Variants in ANKRD6 observed in about 807,000 individuals in gnomAD.
ANKRD6 encodes ankyrin repeat domain-containing protein 6.
ANKRD6 carries 56 observed loss-of-function variants against 82.3 expected under a neutral mutation model. That is an observed-to-expected ratio of 0.68 (90% CI 0.55 to 0.85). The LOEUF is 0.85. Among genes scored for constraint, ANKRD6 ranks in the 40% least tolerant of loss-of-function variants. The pLI is 0.00. For missense variants in ANKRD6, 852 were observed against 907.6 expected (o/e 0.94, Z 0.79); for synonymous variants, 347 against 352.1 (o/e 0.99, Z 0.16).
intron 2 of ANKRD6, among the ~76,000 whole-genome samples, chr6:89,593,531 T>C (rs1276571442): frequency 1.3e-5 from 2 of 152,244 alleles, no homozygotes; most frequent in Non-Finnish European, 2.9e-5. Context: ...AAGTAAGCTC[T>C]GACCTCTTTC....
At chr6:89,531,272 A>G (rs1783111000) in intron 1 of ANKRD6, among the ~76,000 whole-genome samples, 1 of 152,270 alleles carries the variant, frequency 6.6e-6, no homozygotes, top group Admixed American at 6.5e-5. Flanking sequence ...GAAAGGAGGT[A>G]GCGGAAACAA....
intron 1 of ANKRD6, among the ~76,000 whole-genome samples, chr6:89,470,584 G>T (rs908450799): frequency 6.6e-6 from 1 of 152,128 alleles, no homozygotes; most frequent in Non-Finnish European, 1.5e-5. Context: ...TCGTGCCACT[G>T]CAGCCTAGGT....
chr6:89,608,770 G>A (rs1026914311), intron 5 of ANKRD6, among the ~76,000 whole-genome samples: 1 of 152,146 alleles, frequency 6.6e-6, no homozygotes, highest in African/African-American at 2.4e-5. Context: ...TCTCACACCT[G>A]TTCCTCTTTC....
intron 2 of ANKRD6, among the ~76,000 whole-genome samples, chr6:89,578,316 A>C (rs1791650391): frequency 8.7e-6 from 1 of 115,040 alleles, no homozygotes; most frequent in Non-Finnish European, 1.7e-5. Context: ...TTTTTTTGGA[A>C]ACAGAGTCTC....
intron 2 of ANKRD6, among the ~76,000 whole-genome samples, chr6:89,577,168 CG>C (rs2128105287): frequency 6.6e-6 from 1 of 151,882 alleles, no homozygotes; most frequent in Non-Finnish European, 1.5e-5. Context: ...TTTATCAGTA[CG>C]AGGGAGCCCC....
At chr6:89,614,469 A>G (rs1801001376) in intron 7 of ANKRD6, among the ~76,000 whole-genome samples, 1 of 152,090 alleles carries the variant, frequency 6.6e-6, no homozygotes, top group African/African-American at 2.4e-5. Flanking sequence ...AACATGGTGA[A>G]ACCCTGTCTC....
chr6:89,606,879 G>A (rs1363588951), intron 5 of ANKRD6, among the ~76,000 whole-genome samples: 1 of 144,396 alleles, frequency 6.9e-6, no homozygotes, highest in Non-Finnish European at 1.5e-5. Context: ...GCGGGGGTGG[G>A]CCTTTTTTGG....
intron 1 of ANKRD6, among the ~76,000 whole-genome samples, chr6:89,529,725 A>G (rs556345158): frequency 1.3e-5 from 2 of 152,296 alleles, no homozygotes; most frequent in African/African-American, 4.8e-5. Flanking sequence ...CTTAGAGGCC[A>G]TTGTATGGTT....
At chr6:89,456,889 A>G (rs58623344) in intron 1 of ANKRD6, among the ~76,000 whole-genome samples, 45,022 of 152,052 alleles carry the variant, frequency 0.3, 6,839 homozygotes, top group African/African-American at 0.32. Flanking sequence ...AACAGCAACA[A>G]TGATTTATTG....
chr6:89,496,589 C>T (rs1778654653), intron 1 of ANKRD6, among the ~76,000 whole-genome samples: 1 of 152,106 alleles, frequency 6.6e-6, no homozygotes, highest in Non-Finnish European at 1.5e-5. Flanking sequence ...GTGGTGCGAT[C>T]TCGGGTCACT....
intron 9 of ANKRD6, 150 bp from the exon 10 acceptor site, chr6:89,621,769 AGGT>A: frequency 1.4e-6 from 1 of 698,584 alleles, no homozygotes; most frequent in Non-Finnish European, 2.6e-6. Context: ...GGAGGATGGT[AGGT>A]GGTCCAGAGG....
chr6:89,559,480 A>G (rs1373874645), intron 1 of ANKRD6, among the ~76,000 whole-genome samples: 2 of 152,228 alleles, frequency 1.3e-5, no homozygotes, highest in African/African-American at 4.8e-5. Flanking sequence ...GTACTCCACA[A>G]AATAAATAAC....
intron 2 of ANKRD6, among the ~76,000 whole-genome samples, chr6:89,577,626 TG>T (rs1181697280): frequency 1.2e-4 from 19 of 152,116 alleles, no homozygotes; most frequent in Non-Finnish European, 4.4e-5. Flanking sequence ...CTGGTTAGCC[TG>T]GGAAACATAG....
intron 1 of ANKRD6, among the ~76,000 whole-genome samples, chr6:89,537,649 C>T (rs893974396): frequency 6.6e-6 from 1 of 151,508 alleles, no homozygotes; most frequent in Non-Finnish European, 1.5e-5. Context: ...CAAGATGGCT[C>T]ATGCCTGTAA....
intron 3 of ANKRD6, chr6:89,602,334 A>G (rs1195796879): frequency 6.6e-6 from 1 of 152,350 alleles, no homozygotes; most frequent in Middle Eastern, 3.4e-3. Flanking sequence ...AGGAAGAGTC[A>G]AGTTCCCTTT....
At chr6:89,478,527 G>A (rs1776356803) in intron 1 of ANKRD6, 1 of 152,082 alleles carries the variant, frequency 6.6e-6, no homozygotes, top group Non-Finnish European at 1.5e-5. Flanking sequence ...GAGGTCAGGA[G>A]TTCAAGACCA....
At chr6:89,598,271 A>G in intron 3 of ANKRD6, 1 of 985,348 alleles carries the variant, frequency 1.0e-6, no homozygotes, top group Non-Finnish European at 1.2e-6. Context: ...TGGAGCGCTA[A>G]TGCCATCTCT....
At chr6:89,480,156 T>C (rs948967066) in intron 1 of ANKRD6, among the ~76,000 whole-genome samples, 32 of 152,224 alleles carry the variant, frequency 2.1e-4, no homozygotes, top group Non-Finnish European at 1.3e-4. Context: ...CGGCCTCTGT[T>C]CATACTCTCC....
At chr6:89,520,770 C>T (rs1003501477) in intron 1 of ANKRD6, among the ~76,000 whole-genome samples, 1 of 152,196 alleles carries the variant, frequency 6.6e-6, no homozygotes, top group African/African-American at 2.4e-5. Context: ...TAGCACAGAA[C>T]AGTAGGAATG....
Sources: allele counts gnomAD v4.1 joint callset (sites outside exome capture counted in the v4.1 genomes callset), GRCh38; gene constraint gnomAD v4.1.1; transcripts MANE v1.5; gene names NCBI Gene and HGNC (gene_info 2026-07-23, HGNC 2026-07-21).